The following GALNTL6 variants were observed in gnomAD, a reference collection of about 807,000 sequenced individuals.
GALNTL6 encodes the protein polypeptide N-acetylgalactosaminyltransferase like 6, also known as polypeptide N-acetylgalactosaminyltransferase-like 6.
A neutral mutation model predicts 73.7 loss-of-function variants in GALNTL6; 46 were observed. The observed-to-expected ratio is 0.62, with a 90% CI of 0.49 to 0.80. The LOEUF (loss-of-function observed/expected upper bound fraction) is 0.80, where lower values mean the gene tolerates loss of function less well. Among genes scored for constraint, GALNTL6 ranks in the 30% least tolerant of loss-of-function variants. The pLI is 0.00. For missense variants in GALNTL6, 604 were observed against 755.0 expected (o/e 0.80, Z 2.34); for synonymous variants, 259 against 263.7 (o/e 0.98, Z 0.17).
intron 2 of GALNTL6, among the ~76,000 whole-genome samples, chr4:171,901,777 A>C (rs1017734954): frequency 1.3e-5 from 2 of 152,188 alleles, no homozygotes; most frequent in Admixed American, 6.5e-5. Context: ...ATATTAATCA[A>C]GATATCTTCT....
chr4:172,975,525 C>A (rs897578305), intron 10 of GALNTL6, among the ~76,000 whole-genome samples: 2 of 152,156 alleles, frequency 1.3e-5, no homozygotes, highest in African/African-American at 4.8e-5. Flanking sequence ...TCATTCTGGT[C>A]CGCTGAACTG....
chr4:172,384,914 G>C (rs146026803), intron 5 of GALNTL6, among the ~76,000 whole-genome samples: 3,483 of 151,372 alleles, frequency 0.023, 60 homozygotes, highest in Non-Finnish European at 0.036. Context: ...ACTGGCTAAG[G>C]TTTGTTGTGT....
chr4:172,467,606 A>G (rs1732869239), intron 5 of GALNTL6, among the ~76,000 whole-genome samples: 1 of 152,142 alleles, frequency 6.6e-6, no homozygotes, highest in Middle Eastern at 3.2e-3. Flanking sequence ...GCACACTGTC[A>G]ATTATACCAC....
At chr4:172,859,023 G>A (rs1456339771) in intron 7 of GALNTL6, among the ~76,000 whole-genome samples, 1 of 143,326 alleles carries the variant, frequency 7.0e-6, no homozygotes, top group Non-Finnish European at 1.5e-5. Flanking sequence ...AAAATGGAAT[G>A]AAATGCAAGC....
intron 2 of GALNTL6, among the ~76,000 whole-genome samples, chr4:172,042,864 T>TAAAAAAAAAAAAAA (rs397996272): frequency 2.3e-5 from 1 of 44,400 alleles, no homozygotes; most frequent in African/African-American, 8.5e-5. Context: ...TCTTTAACAG[T>TAAAAAAAAAAAAAA]AAAAAAAAAA....
intron 2 of GALNTL6, among the ~76,000 whole-genome samples, chr4:171,822,233 C>G (rs754529228): frequency 1.3e-5 from 2 of 152,142 alleles, no homozygotes; most frequent in African/African-American, 2.4e-5. Flanking sequence ...CATTCAGCCA[C>G]TTTATGGAGT....
At chr4:172,362,038 C>T (rs1349080020) in intron 5 of GALNTL6, among the ~76,000 whole-genome samples, 2 of 152,074 alleles carry the variant, frequency 1.3e-5, no homozygotes, top group Non-Finnish European at 2.9e-5. Flanking sequence ...AGTAATATCT[C>T]CAACAACTTT....
chr4:172,003,769 G>A (rs2110764434), intron 2 of GALNTL6, among the ~76,000 whole-genome samples: 1 of 152,004 alleles, frequency 6.6e-6, no homozygotes, highest in East Asian at 1.9e-4. Context: ...TTCATTTCTG[G>A]ACCTAGGAGA....
At chr4:172,771,722 G>A (rs543150715) in intron 5 of GALNTL6, among the ~76,000 whole-genome samples, 1 of 152,154 alleles carries the variant, frequency 6.6e-6, no homozygotes, top group African/African-American at 2.4e-5. Context: ...CAGATTTCTG[G>A]GCCCTTCCCA....
At chr4:172,394,313 T>A (rs1196307766) in intron 5 of GALNTL6, among the ~76,000 whole-genome samples, 4 of 152,092 alleles carry the variant, frequency 2.6e-5, no homozygotes, top group Non-Finnish European at 5.9e-5. Context: ...TATTCACATA[T>A]TATAATGTGA....
intron 5 of GALNTL6, among the ~76,000 whole-genome samples, chr4:172,563,437 G>A (rs988596696): frequency 2.0e-5 from 3 of 152,146 alleles, no homozygotes; most frequent in Non-Finnish European, 2.9e-5. Context: ...TTTTCAAATC[G>A]AAATGAATTT....
intron 2 of GALNTL6, among the ~76,000 whole-genome samples, chr4:172,171,497 C>A (rs1734823642): frequency 2.0e-5 from 3 of 152,126 alleles, no homozygotes; most frequent in African/African-American, 7.2e-5. Flanking sequence ...GAAGGTATTT[C>A]ATGAACAACA....
intron 2 of GALNTL6, among the ~76,000 whole-genome samples, chr4:172,152,736 G>A (rs529177435): frequency 6.6e-6 from 1 of 152,182 alleles, no homozygotes; most frequent in South Asian, 2.1e-4. Flanking sequence ...AGCCTCCCAA[G>A]TAGCTGGGAT....
At chr4:172,722,484 A>G (rs1167560390) in intron 5 of GALNTL6, among the ~76,000 whole-genome samples, 1 of 152,154 alleles carries the variant, frequency 6.6e-6, no homozygotes, top group Non-Finnish European at 1.5e-5. Flanking sequence ...ATCCACTTTC[A>G]TAAAATAGCT....
At chr4:172,744,836 C>CGTGT (rs1393476051) in intron 5 of GALNTL6, among the ~76,000 whole-genome samples, 1 of 78,774 alleles carries the variant, frequency 1.3e-5, no homozygotes, top group East Asian at 3.7e-4. Flanking sequence ...TAAGAGTGCG[C>CGTGT]GTGCGTGTGT....
intron 2 of GALNTL6, among the ~76,000 whole-genome samples, chr4:172,178,072 T>G (rs980543771): frequency 3.9e-5 from 6 of 151,966 alleles, no homozygotes; most frequent in African/African-American, 1.4e-4. Flanking sequence ...GTAAAGTGAA[T>G]GGGCTTTGGA....
At chr4:172,304,214 G>T (rs1159377334) in intron 3 of GALNTL6, among the ~76,000 whole-genome samples, 1 of 152,078 alleles carries the variant, frequency 6.6e-6, no homozygotes, top group Non-Finnish European at 1.5e-5. Flanking sequence ...TTTCCCCTGA[G>T]TAATAAGCCC....
At chr4:172,037,759 C>T (rs562827495) in intron 2 of GALNTL6, among the ~76,000 whole-genome samples, 1 of 152,296 alleles carries the variant, frequency 6.6e-6, no homozygotes, top group African/African-American at 2.4e-5. Context: ...CACACTATTA[C>T]TGCCCATTCA....
intron 5 of GALNTL6, among the ~76,000 whole-genome samples, chr4:172,690,803 T>A (rs932917414): frequency 6.6e-6 from 1 of 152,246 alleles, no homozygotes; most frequent in African/African-American, 2.4e-5. Flanking sequence ...TCTGGTTAAC[T>A]TAATTCTACT....
Sources: allele counts gnomAD v4.1 joint callset (sites outside exome capture counted in the v4.1 genomes callset), GRCh38; gene constraint gnomAD v4.1.1; transcripts MANE v1.5; gene names NCBI Gene and HGNC (gene_info 2026-07-23, HGNC 2026-07-21).